Variants in GABBR2 observed in about 807,000 individuals in gnomAD.
GABBR2 encodes gamma-aminobutyric acid type B receptor subunit 2, also known as G-protein coupled receptor 51.
In GABBR2, 23 loss-of-function variants were observed where a neutral mutation model predicts 105.6. The ratio of observed to expected loss-of-function variants is 0.22; its 90% CI spans 0.16 to 0.31. GABBR2 has a LOEUF of 0.31. Among genes scored for constraint, GABBR2 ranks in the 10% least tolerant of loss-of-function variants. The pLI is 1.00. For synonymous variants in GABBR2, 478 were observed against 499.7 expected, an observed-to-expected ratio of 0.96 and a Z score of 0.58; for missense variants, 734 against 1,245.5, an observed-to-expected ratio of 0.59 and a Z score of 6.18.
At chr9:98,601,518 TA>T (rs1564127310) in intron 1 of GABBR2, among the ~76,000 whole-genome samples, 1 of 152,120 alleles carries the variant, frequency 6.6e-6, no homozygotes, top group Non-Finnish European at 1.5e-5. Flanking sequence ...CCCTGTCTCT[TA>T]AAAAAAGAAA....
chr9:98,682,935 G>C (rs1830568688), intron 1 of GABBR2, among the ~76,000 whole-genome samples: 1 of 152,086 alleles, frequency 6.6e-6, no homozygotes, highest in African/African-American at 2.4e-5. Flanking sequence ...CTGTGCTCTG[G>C]GAAAGGGTCT....
chr9:98,406,922 C>G (rs1271116555), intron 7 of GABBR2, among the ~76,000 whole-genome samples: 1 of 152,202 alleles, frequency 6.6e-6, no homozygotes, highest in African/African-American at 2.4e-5. Flanking sequence ...TTGACACACA[C>G]TATATCACTG....
rs58779559 is a variant in GABBR2 at position 98,641,299 on chromosome 9, A to ATTT, written c.322-63230_322-63228dup. 2.1e-4 allele frequency among the ~76,000 whole-genome samples: 27 copies of ATTT among 129,280 alleles called. 1 individual carries two copies. In the East Asian group the frequency reaches 2.4e-3, roughly 12 times the overall value. 84.8% of individuals were successfully genotyped at this position (129,280 alleles called of 152,430 possible). A position where few individuals can be genotyped will look rare whatever the true frequency, so the allele number is the denominator to read the frequency against. On this transcript the variant is annotated intron_variant, in intron 1 of 18. Coordinates refer to ENST00000259455, the MANE Select transcript of GABBR2 (RefSeq NM_005458.8). Reference sequence around the variant, plus strand: ...CAGGCACACACCACCATGCCCAGCTATTTTTTTTTTTTTTTTTTAGTAGAG... The same window carrying ATTT: ...CAGGCACACACCACCATGCCCAGCTATTTTTTTTTTTTTTTTTTTTTAGTAGAG...
At chr9:98,360,322 A>T (rs1328253445) in intron 13 of GABBR2, among the ~76,000 whole-genome samples, 1 of 152,160 alleles carries the variant, frequency 6.6e-6, no homozygotes, top group East Asian at 1.9e-4. Flanking sequence ...AAACGACAAT[A>T]AACAGGGCTG....
intron 1 of GABBR2, among the ~76,000 whole-genome samples, chr9:98,654,419 ATTCAC>A (rs1485504245): frequency 2.0e-5 from 3 of 152,238 alleles, no homozygotes; most frequent in African/African-American, 7.2e-5. Flanking sequence ...GTCATCATTC[ATTCAC>A]TTAACAAATA....
intron 3 of GABBR2, among the ~76,000 whole-genome samples, chr9:98,506,744 C>G (rs955393298): frequency 7.9e-5 from 12 of 152,184 alleles, no homozygotes; most frequent in Non-Finnish European, 1.5e-5. Context: ...GCACCTGTGA[C>G]CTGAGACCTG....
At chr9:98,664,231 T>A (rs1830304865) in intron 1 of GABBR2, among the ~76,000 whole-genome samples, 1 of 152,204 alleles carries the variant, frequency 6.6e-6, no homozygotes, top group African/African-American at 2.4e-5. Context: ...CAGTACGGCA[T>A]CCTGCTGGGG....
intron 2 of GABBR2, among the ~76,000 whole-genome samples, chr9:98,571,988 A>C (rs1828839734): frequency 6.6e-6 from 1 of 152,094 alleles, no homozygotes; most frequent in Admixed American, 6.5e-5. Context: ...CAGGCTGAAC[A>C]CCCTCAGCTC....
intron 1 of GABBR2, among the ~76,000 whole-genome samples, chr9:98,620,146 C>T (rs947681305): frequency 1.3e-5 from 2 of 152,100 alleles, no homozygotes; most frequent in Non-Finnish European, 2.9e-5. Context: ...CTCTGTACTG[C>T]TACATTTTAT....
At chr9:98,474,806 T>TA (rs1261388661) in intron 5 of GABBR2, among the ~76,000 whole-genome samples, 1 of 152,144 alleles carries the variant, frequency 6.6e-6, no homozygotes, top group East Asian at 1.9e-4. Context: ...CAACAACTCC[T>TA]ATATGTTAGA....
chr9:98,577,525 G>A (rs911702799), intron 2 of GABBR2, among the ~76,000 whole-genome samples: 7 of 152,238 alleles, frequency 4.6e-5, no homozygotes, highest in African/African-American at 1.7e-4. Flanking sequence ...ATCTGGTTAA[G>A]GGAACGGTGA....
chr9:98,492,422 TC>T (rs1263373559), intron 4 of GABBR2, among the ~76,000 whole-genome samples: 4 of 141,816 alleles, frequency 2.8e-5, no homozygotes, highest in Admixed American at 1.5e-4. Flanking sequence ...TATACAGAGT[TC>T]CCATACAACC....
At chr9:98,657,415 TG>T (rs1304397922) in intron 1 of GABBR2, among the ~76,000 whole-genome samples, 1 of 152,246 alleles carries the variant, frequency 6.6e-6, no homozygotes. Flanking sequence ...ACACACAGTG[TG>T]CCGTGGTCCA....
At chr9:98,527,858 A>G (rs1827990870) in intron 3 of GABBR2, among the ~76,000 whole-genome samples, 1 of 152,228 alleles carries the variant, frequency 6.6e-6, no homozygotes, top group Admixed American at 6.5e-5. Context: ...AGAGCTGCAC[A>G]TTAAACTATA....
chr9:98,641,513 C>T (rs1411843513), intron 1 of GABBR2, among the ~76,000 whole-genome samples: 6 of 152,104 alleles, frequency 3.9e-5, no homozygotes, highest in Non-Finnish European at 5.9e-5. Flanking sequence ...GGGAAGTCCA[C>T]GAACCCATAA....
intron 5 of GABBR2, among the ~76,000 whole-genome samples, chr9:98,475,017 G>A (rs140688228): frequency 4.6e-5 from 7 of 152,036 alleles, no homozygotes; most frequent in East Asian, 3.9e-4. Flanking sequence ...CCATTGGTTC[G>A]GCAAGGTATC....
chr9:98,571,243 G>A (rs1191271758), intron 2 of GABBR2, among the ~76,000 whole-genome samples: 2 of 152,164 alleles, frequency 1.3e-5, no homozygotes, highest in African/African-American at 4.8e-5. Flanking sequence ...AGGTGGGCTG[G>A]GAAAACGGCA....
At chr9:98,653,768 C>T (rs990338763) in intron 1 of GABBR2, among the ~76,000 whole-genome samples, 2 of 152,040 alleles carry the variant, frequency 1.3e-5, no homozygotes, top group Non-Finnish European at 2.9e-5. Context: ...CACACAAACA[C>T]ACCTCTTTTT....
intron 2 of GABBR2, among the ~76,000 whole-genome samples, chr9:98,567,450 G>A (rs180709394): frequency 4.0e-5 from 6 of 151,868 alleles, no homozygotes; most frequent in Admixed American, 1.3e-4. Flanking sequence ...GGCTTCTTTC[G>A]CCTCTCCTGT....
Sources: allele counts gnomAD v4.1 joint callset (sites outside exome capture counted in the v4.1 genomes callset), GRCh38; gene constraint gnomAD v4.1.1; transcripts MANE v1.5; gene names NCBI Gene and HGNC (gene_info 2026-07-23, HGNC 2026-07-21).